The following SLIT2 variants were observed in gnomAD, a reference collection of about 807,000 sequenced individuals.
SLIT2 encodes slit homolog 2 protein.
Under a neutral mutation model 185.7 loss-of-function variants are expected in SLIT2, and 41 were observed. The observed-to-expected ratio is 0.22, with a 90% CI of 0.17 to 0.29. The LOEUF (loss-of-function observed/expected upper bound fraction) is 0.29, where lower values mean the gene tolerates loss of function less well. Ranked by LOEUF, SLIT2 falls within the 10% of genes least tolerant of loss-of-function variation. The pLI is 1.00. For synonymous variants in SLIT2, 693 were observed against 680.2 expected, an observed-to-expected ratio of 1.02 and a Z score of -0.29; for missense variants, 1,571 against 1,909.0, an observed-to-expected ratio of 0.82 and a Z score of 3.30.
In SLIT2 at chr4:20,546,064, C is replaced by G; in HGVS notation, c.2310C>G (p.Pro770=). 2 of 1,587,722 alleles carry G rather than the reference C, an allele frequency of 1.3e-6. No individual in the cohort carries two copies. The highest frequency in any genetic ancestry group is 2.3e-5 in the East Asian group (1 of 44,318). The change falls in exon 22 of 37, where the codon CCC becomes CCG. Residue 770 remains proline, a synonymous_variant. Transcript: ENST00000504154. ...YLDGNQFTLV[P]KELSNYKHLT... ...ATGGAAACCAATTTACACTGGTTCC[C>G]AAGGAACTCTCCAACTACAAACATT...
chr4:20,531,556 A>G (rs1248923832), intron 16 of SLIT2, among the ~76,000 whole-genome samples: 2 of 152,224 alleles, frequency 1.3e-5, no homozygotes, highest in Non-Finnish European at 2.9e-5. Context: ...AGATGGTTCC[A>G]CAACTGAATT....
intron 4 of SLIT2, among the ~76,000 whole-genome samples, chr4:20,372,464 A>T (rs568729779): frequency 1.3e-5 from 2 of 152,184 alleles, no homozygotes; most frequent in East Asian, 3.9e-4. Flanking sequence ...CTTTTTATTA[A>T]AAAGAAATGA....
chr4:20,268,441 T>C (rs1343446644), intron 3 of SLIT2, among the ~76,000 whole-genome samples: 1 of 151,786 alleles, frequency 6.6e-6, no homozygotes, highest in Non-Finnish European at 1.5e-5. Flanking sequence ...GGACTGTGTA[T>C]GGATTATTTT....
At chr4:20,457,510 A>G (rs1318301346) in intron 4 of SLIT2, among the ~76,000 whole-genome samples, 1 of 152,074 alleles carries the variant, frequency 6.6e-6, no homozygotes, top group Non-Finnish European at 1.5e-5. Flanking sequence ...GATATTATAT[A>G]TATAAATTTA....
chr4:20,389,032 A>T (rs1232767743), intron 4 of SLIT2, among the ~76,000 whole-genome samples: 4 of 149,736 alleles, frequency 2.7e-5, no homozygotes, highest in African/African-American at 9.7e-5. Flanking sequence ...ATATATAGTT[A>T]GTTCACCATA....
At chr4:20,272,964 A>G (rs1713785269) in intron 4 of SLIT2, among the ~76,000 whole-genome samples, 1 of 152,152 alleles carries the variant, frequency 6.6e-6, no homozygotes, top group Non-Finnish European at 1.5e-5. Context: ...CTTACCTGAG[A>G]CAAATAGGTT....
chr4:20,331,606 C>A (rs573376387), intron 4 of SLIT2, among the ~76,000 whole-genome samples: 1 of 152,016 alleles, frequency 6.6e-6, no homozygotes, highest in Non-Finnish European at 1.5e-5. Context: ...ATCTTTGCCA[C>A]TAGATTTTTT....
At chr4:20,533,924 C>T (rs2446089) in intron 18 of SLIT2, among the ~76,000 whole-genome samples, 42,536 of 120,176 alleles carry the variant, frequency 0.35, 6,429 homozygotes, top group Middle Eastern at 0.46. Flanking sequence ...TTCCTGCCTT[C>T]GATGTGTGTT....
chr4:20,426,287 G>A (rs1313426059), intron 4 of SLIT2, among the ~76,000 whole-genome samples: 3 of 152,290 alleles, frequency 2.0e-5, no homozygotes, highest in Non-Finnish European at 4.4e-5. Flanking sequence ...TCACTGTGTA[G>A]GAGGCAGCAT....
intron 34 of SLIT2, 47 bp downstream of exon 34, chr4:20,610,214 C>G (rs753770802): frequency 6.5e-7 from 1 of 1,546,374 alleles, no homozygotes; most frequent in South Asian, 1.2e-5. Context: ...CTGTGATTCT[C>G]ATTATGGACG....
At chr4:20,595,915 G>T in intron 31 of SLIT2, 81 bp downstream of exon 31, 1 of 1,216,700 alleles carries the variant, frequency 8.2e-7, no homozygotes, top group Non-Finnish European at 1.2e-6. Flanking sequence ...TAGTGTAATC[G>T]TACATTTTAA....
At chr4:20,301,348 A>G (rs988680721) in intron 4 of SLIT2, among the ~76,000 whole-genome samples, 2 of 152,036 alleles carry the variant, frequency 1.3e-5, no homozygotes, top group Non-Finnish European at 2.9e-5. Flanking sequence ...CTTTTTTGCA[A>G]TGCTGCAGTG....
At chr4:20,268,937 A>C in intron 4 of SLIT2, 56 bp downstream of exon 4, 2 of 1,049,054 alleles carry the variant, frequency 1.9e-6, no homozygotes, top group Non-Finnish European at 3.0e-6. Context: ...GTTTTATTAA[A>C]TGTATTTTGG....
intron 9 of SLIT2, among the ~76,000 whole-genome samples, chr4:20,492,147 G>A (rs1717840215): frequency 6.6e-6 from 1 of 152,156 alleles, no homozygotes; most frequent in Admixed American, 6.5e-5. Flanking sequence ...AAGGCAAACA[G>A]GATTGTTTAT....
In SLIT2 at chr4:20,472,295, GAT is replaced by G. The variant is rs1205039657; in HGVS notation, c.467+4478_467+4479del. Among the ~76,000 whole-genome samples the G allele has an allele frequency of 8.1e-4, 21 of 25,862 alleles. 1 individual carries two copies. Among genetic ancestry groups the G allele is most frequent in the East Asian group, 2.5e-3 (1 of 406 alleles). 17.0% of individuals were successfully genotyped at this position (25,862 alleles called of 152,430 possible). ...ATATATCTATATATATAGATATATAGATATATAGATCTATATATAGATATATA... is the reference window on the plus strand; with the variant it reads ...ATATATCTATATATATAGATATATAGATATAGATCTATATATAGATATATA... On this transcript the variant is annotated intron_variant, in intron 5 of 36. Coordinates refer to ENST00000504154, the MANE Select transcript of SLIT2 (RefSeq NM_004787.4).
chr4:20,456,814 C>T (rs1713119870), intron 4 of SLIT2, among the ~76,000 whole-genome samples: 1 of 152,064 alleles, frequency 6.6e-6, no homozygotes, highest in Non-Finnish European at 1.5e-5. Context: ...AAGACTGAGA[C>T]TGAGACTATA....
At chr4:20,534,928 G>A (rs536998087) in intron 18 of SLIT2, among the ~76,000 whole-genome samples, 1 of 152,284 alleles carries the variant, frequency 6.6e-6, no homozygotes, top group East Asian at 1.9e-4. Context: ...ACCAGTCTGG[G>A]ACCTGCTGAC....
At chr4:20,278,226 GTTT>G (rs75438166) in intron 4 of SLIT2, among the ~76,000 whole-genome samples, 2 of 145,546 alleles carry the variant, frequency 1.4e-5, no homozygotes, top group East Asian at 4.0e-4. Context: ...ATGCTTATCT[GTTT>G]TTTTTTTTGT....
chr4:20,478,594 A>G (rs1053455887), intron 5 of SLIT2, among the ~76,000 whole-genome samples: 12 of 152,192 alleles, frequency 7.9e-5, no homozygotes, highest in African/African-American at 2.4e-5. Flanking sequence ...TGATTTATAC[A>G]TTGACAGCTA....
Sources: gnomAD v4.1 joint callset for allele counts (sites outside exome capture counted in the v4.1 genomes callset) on GRCh38, gnomAD v4.1.1 for gene constraint, MANE v1.5 for transcripts, NCBI Gene and HGNC (gene_info 2026-07-23, HGNC 2026-07-21) for gene names.